The following ABCD3 variants were observed in gnomAD, a reference collection of about 807,000 sequenced individuals.
The protein encoded by ABCD3 is ATP binding cassette subfamily D member 3.
ABCD3 carries 41 observed loss-of-function variants against 105.5 expected under a neutral mutation model. The observed-to-expected ratio is 0.39, with a 90% CI of 0.30 to 0.50. ABCD3 has a LOEUF of 0.50. Ranked by LOEUF, ABCD3 falls within the 20% of genes least tolerant of loss-of-function variation. The pLI is 0.84. For synonymous variants in ABCD3, 258 were observed against 269.0 expected, an observed-to-expected ratio of 0.96 and a Z score of 0.40; for missense variants, 622 against 806.3, an observed-to-expected ratio of 0.77 and a Z score of 2.77.
At chr1:94,482,967 T>C in intron 9 of ABCD3, 1 of 572,248 alleles carries the variant, frequency 1.7e-6, no homozygotes, top group Non-Finnish European at 3.2e-6. Context: ...TATGATTCAG[T>C]CAGGAGTGTA....
Position 94,487,995 on chromosome 1 carries a change from A to G in ABCD3, c.1157+12A>G. On this transcript the variant is annotated intron_variant, in intron 13 of 22. Coordinates refer to ENST00000370214, the MANE Select transcript of ABCD3 (RefSeq NM_002858.4). ...ACTAGATTGGCCGGGTAAGATTAGTAATAATGAGCTGTTGCAGAAAATAAT... is the reference window on the plus strand; with the variant it reads ...ACTAGATTGGCCGGGTAAGATTAGTGATAATGAGCTGTTGCAGAAAATAAT... 6.3e-7 allele frequency: 1 copy of G among 1,585,840 alleles called. No homozygotes were observed. The highest frequency in any genetic ancestry group is 8.7e-7 in the Non-Finnish European group (1 of 1,154,964).
chr1:94,453,733 T>C (rs1446008423), intron 1 of ABCD3, among the ~76,000 whole-genome samples: 1 of 151,928 alleles, frequency 6.6e-6, no homozygotes, highest in Non-Finnish European at 1.5e-5. Flanking sequence ...TATCTATTTT[T>C]GTGCTCATTT....
intron 1 of ABCD3, among the ~76,000 whole-genome samples, chr1:94,442,289 A>G (rs1407648318): frequency 6.6e-6 from 1 of 152,192 alleles, no homozygotes; most frequent in Non-Finnish European, 1.5e-5. Flanking sequence ...AAGATGACTT[A>G]TGTGGCTCTT....
At chr1:94,433,783 A>G (rs1331347034) in intron 1 of ABCD3, among the ~76,000 whole-genome samples, 1 of 151,778 alleles carries the variant, frequency 6.6e-6, no homozygotes, top group Non-Finnish European at 1.5e-5. Context: ...TGTAGCTGGG[A>G]CTACAGGTGT....
At position 94,499,552 on chromosome 1, in the gene ABCD3, G is replaced by A. The variant is rs1557688622; in HGVS notation, c.1678G>A (p.Gly560Ser). Residue 560 changes from glycine to serine, a missense_variant, in exon 20 of 23, where the codon GGC (glycine) becomes AGC (serine). Coordinates refer to ENST00000370214, the MANE Select transcript of ABCD3 (RefSeq NM_002858.4). ...QLGHILEREG[G>S]WDSVQDWMDV... ...GGGTCATATCCTTGAACGTGAAGGA[G>A]GCTGGGACAGTGTTCAGGATTGGAT... The A allele has an allele frequency of 6.2e-7, 1 of 1,613,772 alleles. No individual in the cohort carries two copies. The highest frequency in any genetic ancestry group is 1.1e-5 in the South Asian group (1 of 91,074).
chr1:94,395,937 C>T, the ABCD3 span, among the ~76,000 whole-genome samples: 2 of 152,218 alleles, frequency 1.3e-5, no homozygotes, highest in East Asian at 1.9e-4. Context: ...GACAGAAACA[C>T]TTTCATGTTT....
chr1:94,503,049 G>T lies in ABCD3; in HGVS notation c.1740+3435G>T, dbSNP rs183945773. Among the ~76,000 whole-genome samples the T allele has an allele frequency of 6.8e-4, 103 of 152,156 alleles. 1 individual carries two copies. Among genetic ancestry groups the T allele is most frequent in the Middle Eastern group, 3.4e-3 (1 of 294 alleles). On this transcript the variant is annotated intron_variant, in intron 20 of 22. Coordinates refer to ENST00000370214, the MANE Select transcript of ABCD3 (RefSeq NM_002858.4). ...TCTTAAAATCTTATGAGATTTTTTT[G>T]TGTGTGTAATTTTTTTTAAGCTCAT...
chr1:94,419,460 A>C, intron 1 of ABCD3: 4 of 571,262 alleles, frequency 7.0e-6, no homozygotes, highest in Non-Finnish European at 8.9e-6. Flanking sequence ...TGCGACATAC[A>C]GGTATGTATG....
At chr1:94,454,762 C>G (rs1450013927) in intron 1 of ABCD3, among the ~76,000 whole-genome samples, 2 of 152,216 alleles carry the variant, frequency 1.3e-5, no homozygotes, top group Non-Finnish European at 2.9e-5. Flanking sequence ...AGCCATTCTT[C>G]TGCCTCAGCC....
intron 22 of ABCD3, 40 bp from the exon 23 acceptor site, chr1:94,517,012 C>T: frequency 7.5e-7 from 1 of 1,339,820 alleles, no homozygotes; most frequent in Middle Eastern, 1.8e-4. Flanking sequence ...ACTATATTCA[C>T]TCTTAGTTAC....
At position 94,506,520 on chromosome 1, in the gene ABCD3, A is replaced by G; in HGVS notation, c.1741-18A>G. 6.3e-7 allele frequency: 1 copy of G among 1,579,338 alleles called. No homozygotes were observed. The highest frequency in any genetic ancestry group is 8.7e-7 in the Non-Finnish European group (1 of 1,150,054). On this transcript the variant is annotated intron_variant, in intron 20 of 22. Transcript: ENST00000370214. ...GGTCTGCCTGTGTTTTACACAAAAAATTTTTTTTATGCTTCAGATGGCAAG... is the reference window on the plus strand; with the variant it reads ...GGTCTGCCTGTGTTTTACACAAAAAGTTTTTTTTATGCTTCAGATGGCAAG...
chr1:94,476,470 A>G (rs879327479), intron 7 of ABCD3, among the ~76,000 whole-genome samples: 1 of 152,166 alleles, frequency 6.6e-6, no homozygotes, highest in Admixed American at 6.6e-5. Flanking sequence ...GAGATGCTTC[A>G]GTTCCCACTC....
At chr1:94,428,781 C>T (rs1259550377) in intron 1 of ABCD3, among the ~76,000 whole-genome samples, 1 of 151,848 alleles carries the variant, frequency 6.6e-6, no homozygotes, top group Non-Finnish European at 1.5e-5. Flanking sequence ...TTGTAAAGTG[C>T]CCAGTCTCGG....
chr1:94,504,060 G>T (rs984719089), intron 20 of ABCD3, among the ~76,000 whole-genome samples: 1 of 151,666 alleles, frequency 6.6e-6, no homozygotes, highest in Non-Finnish European at 1.5e-5. Flanking sequence ...CTACAGGCAC[G>T]CATCACCATG....
In ABCD3 at chr1:94,467,954, G is replaced by A. The variant is rs761794235; in HGVS notation, c.282G>A (p.Val94=). ...GYLVLIAVML[V]SRTYCDVWMI... is the part of the protein sequence containing the mutation. The stretch of plus-strand genomic sequence containing the variant: ...TGGTACTTATTGCTGTTATGCTGGT[G>A]TCTCGAACATATTGTGATGTTTGGA... The change falls in exon 4 of 23, where the codon GTG becomes GTA. Residue 94 remains valine (V), a synonymous_variant. Transcript: ENST00000370214. 1.1e-5 allele frequency: 18 copies of A among 1,613,374 alleles called. No homozygotes were observed. Among genetic ancestry groups the A allele is most frequent in the Admixed American group, 1.7e-5 (1 of 59,974 alleles).
At chr1:94,423,078 C>A (rs568962854) in intron 1 of ABCD3, among the ~76,000 whole-genome samples, 1 of 152,158 alleles carries the variant, frequency 6.6e-6, no homozygotes, top group African/African-American at 2.4e-5. Flanking sequence ...GTTCTTTGAA[C>A]AGGCCACACT....
the ABCD3 span, among the ~76,000 whole-genome samples, chr1:94,402,922 T>A: frequency 6.6e-6 from 1 of 151,004 alleles, no homozygotes; most frequent in Non-Finnish European, 1.5e-5. Flanking sequence ...CATCTAGCAT[T>A]AGGTATATCT....
chr1:94,485,993 A>G (rs1186166271), intron 10 of ABCD3, among the ~76,000 whole-genome samples: 2 of 152,216 alleles, frequency 1.3e-5, no homozygotes, highest in East Asian at 1.9e-4. Flanking sequence ...GGAGTTCGAG[A>G]CCAGCCTGAC....
chr1:94,517,176 A>G lies in ABCD3; in HGVS notation c.*47A>G. 2 of 1,397,734 alleles carry G rather than the reference A, an allele frequency of 1.4e-6. No individual in the cohort carries two copies. The highest frequency in any genetic ancestry group is 1.2e-5 in the South Asian group (1 of 86,572). 86.6% of individuals were successfully genotyped at this position (1,397,734 alleles called of 1,614,324 possible). On this transcript the variant is annotated 3_prime_UTR_variant, in exon 23 of 23. Coordinates refer to ENST00000370214, the MANE Select transcript of ABCD3 (RefSeq NM_002858.4). ...TGCTTCAGTGAAATAATTACAGAAT[A>G]TACTTAGAAAGGCAAAGTACATTGT... is the stretch of plus-strand genomic sequence containing the variant.
Sources: allele counts gnomAD v4.1 joint callset (sites outside exome capture counted in the v4.1 genomes callset), GRCh38; gene constraint gnomAD v4.1.1; transcripts MANE v1.5; gene names NCBI Gene and HGNC (gene_info 2026-07-23, HGNC 2026-07-21).